LRRTM4: variants seen among roughly 807,000 people sequenced by gnomAD.
LRRTM4 encodes leucine rich repeat transmembrane neuronal 4, also known as leucine-rich repeat transmembrane neuronal protein 4.
LRRTM4 carries 25 observed loss-of-function variants against 47.6 expected under a neutral mutation model. That is an observed-to-expected ratio of 0.53 (90% CI 0.38 to 0.73). The LOEUF (loss-of-function observed/expected upper bound fraction) is 0.73, where lower values mean the gene tolerates loss of function less well. Among genes scored for constraint, LRRTM4 ranks in the 30% least tolerant of loss-of-function variants. LRRTM4 has a pLI of 0.00. For missense variants in LRRTM4, 638 were observed against 713.4 expected (o/e 0.89, Z 1.20); for synonymous variants, 311 against 269.5 (o/e 1.15, Z -1.51).
At chr2:76,852,593 T>TA (rs1374438956) in intron 3 of LRRTM4, among the ~76,000 whole-genome samples, 1 of 152,198 alleles carries the variant, frequency 6.6e-6, no homozygotes, top group Non-Finnish European at 1.5e-5. Context: ...TTCCTTTTTA[T>TA]AAAAAGATTA....
rs554714730 is a variant in LRRTM4 at position 77,457,439 on chromosome 2, T to A, written c.1551+60879A>T. Among the ~76,000 whole-genome samples the A allele has an allele frequency of 5.9e-5, 9 of 152,192 alleles. No individual in the cohort carries two copies. In the South Asian group the frequency reaches 1.9e-3, roughly 32 times the overall value. ...CTATCTACACCTCTAACCCCATTAC[T>A]TTCACTTCTCAGATGGGCTACAAGA... On this transcript the variant is annotated intron_variant, in intron 3 of 3. Transcript: ENST00000409884.
chr2:77,331,861 G>A (rs1670982888), intron 3 of LRRTM4, among the ~76,000 whole-genome samples: 1 of 152,082 alleles, frequency 6.6e-6, no homozygotes, highest in Admixed American at 6.6e-5. Context: ...CCAGAAACAT[G>A]TGCAATGGTG....
intron 3 of LRRTM4, among the ~76,000 whole-genome samples, chr2:76,807,461 T>A (rs867442559): frequency 2.0e-5 from 2 of 100,532 alleles, no homozygotes; most frequent in South Asian, 3.2e-4. Context: ...TATATATACA[T>A]ATATATATAC....
In LRRTM4 at chr2:76,748,612, C is replaced by G; in HGVS notation, c.*83G>C. The G allele has an allele frequency of 1.8e-6, 2 of 1,106,608 alleles. No individual in the cohort carries two copies. 68.5% of individuals were successfully genotyped at this position (1,106,608 alleles called of 1,614,324 possible). ...GGAACGATGAGCTTGCTCGATTGCGCGATTGTGGACACCCATTCTCCTTTA... is the reference window on the plus strand; with the variant it reads ...GGAACGATGAGCTTGCTCGATTGCGGGATTGTGGACACCCATTCTCCTTTA... On this transcript the variant is annotated 3_prime_UTR_variant, in exon 4 of 4. Coordinates refer to ENST00000409884, the MANE Select transcript of LRRTM4 (RefSeq NM_001134745.3).
intron 3 of LRRTM4, among the ~76,000 whole-genome samples, chr2:77,095,027 T>C (rs1010894042): frequency 1.3e-5 from 2 of 152,132 alleles, no homozygotes; most frequent in Admixed American, 6.5e-5. Flanking sequence ...ATCATAAAAC[T>C]GATAAGAGGC....
At chr2:77,362,111 AAG>A (rs199691221) in intron 3 of LRRTM4, among the ~76,000 whole-genome samples, 1 of 134,660 alleles carries the variant, frequency 7.4e-6, no homozygotes, top group Non-Finnish European at 1.6e-5. Flanking sequence ...GAAAGAAAGA[AAG>A]AGAGAAAGAA....
At chr2:76,871,806 T>G (rs1340419625) in intron 3 of LRRTM4, among the ~76,000 whole-genome samples, 3 of 152,200 alleles carry the variant, frequency 2.0e-5, no homozygotes, top group Admixed American at 2.0e-4. Context: ...AACTGCCCTA[T>G]GGAAGAGCCC....
chr2:77,236,006 T>C (rs1675093635), intron 3 of LRRTM4, among the ~76,000 whole-genome samples: 1 of 152,168 alleles, frequency 6.6e-6, no homozygotes, highest in Non-Finnish European at 1.5e-5. Context: ...TTTGAATTCC[T>C]TTTTCGTTCC....
At chr2:76,924,361 A>G (rs1399001724) in intron 3 of LRRTM4, among the ~76,000 whole-genome samples, 1 of 152,064 alleles carries the variant, frequency 6.6e-6, no homozygotes, top group Non-Finnish European at 1.5e-5. Flanking sequence ...TAGATAAACC[A>G]TATATTCATC....
At chr2:76,957,205 G>A (rs1675703244) in intron 3 of LRRTM4, among the ~76,000 whole-genome samples, 1 of 151,678 alleles carries the variant, frequency 6.6e-6, no homozygotes, top group African/African-American at 2.4e-5. Flanking sequence ...AGGTGTTAAA[G>A]TGGTCAAACT....
intron 3 of LRRTM4, among the ~76,000 whole-genome samples, chr2:77,365,695 A>G (rs1012672240): frequency 1.3e-5 from 2 of 151,658 alleles, no homozygotes; most frequent in Non-Finnish European, 3.0e-5. Context: ...TTGATGGAAT[A>G]CTATGATGCC....
At chr2:77,220,610 G>A (rs1048971833) in intron 3 of LRRTM4, among the ~76,000 whole-genome samples, 1 of 152,134 alleles carries the variant, frequency 6.6e-6, no homozygotes, top group African/African-American at 2.4e-5. Context: ...TATCAGTGAT[G>A]GAAGATGAAA....
intron 3 of LRRTM4, among the ~76,000 whole-genome samples, chr2:77,367,456 T>G (rs1672505528): frequency 6.6e-6 from 1 of 151,870 alleles, no homozygotes; most frequent in African/African-American, 2.4e-5. Flanking sequence ...ACCAGAGTAC[T>G]TGTGTACAAA....
chr2:77,089,776 G>A (rs1367691232), intron 3 of LRRTM4, among the ~76,000 whole-genome samples: 3 of 152,006 alleles, frequency 2.0e-5, no homozygotes, highest in Non-Finnish European at 4.4e-5. Context: ...ATACAAACTC[G>A]ACAGTAGTTC....
chr2:76,975,641 G>A (rs1434436867), intron 3 of LRRTM4, among the ~76,000 whole-genome samples: 2 of 151,588 alleles, frequency 1.3e-5, no homozygotes, highest in Non-Finnish European at 3.0e-5. Context: ...ATGAAGCCAA[G>A]GTTAGAAGTT....
chr2:77,103,100 A>T (rs1230235617), intron 3 of LRRTM4, among the ~76,000 whole-genome samples: 4 of 152,146 alleles, frequency 2.6e-5, no homozygotes, highest in Admixed American at 2.0e-4. Context: ...CTCAGGTGCA[A>T]CAATTCTCAC....
intron 3 of LRRTM4, among the ~76,000 whole-genome samples, chr2:77,324,500 T>C (rs541495758): frequency 2.4e-4 from 37 of 151,808 alleles, no homozygotes; most frequent in Non-Finnish European, 5.0e-4. Context: ...CCTAAACGCT[T>C]TTCTAGATTT....
intron 3 of LRRTM4, among the ~76,000 whole-genome samples, chr2:77,305,287 C>A (rs150134917): frequency 2.0e-5 from 3 of 151,840 alleles, no homozygotes; most frequent in African/African-American, 7.3e-5. Flanking sequence ...AAATCCTATA[C>A]GCTGTAATTT....
intron 3 of LRRTM4, among the ~76,000 whole-genome samples, chr2:77,102,063 G>A (rs749270652): frequency 2.6e-5 from 4 of 152,156 alleles, no homozygotes; most frequent in African/African-American, 9.7e-5. Context: ...ATCTGTGTGT[G>A]CTGTTTCAGC....
Sources: gnomAD v4.1 joint callset for allele counts (sites outside exome capture counted in the v4.1 genomes callset) on GRCh38, gnomAD v4.1.1 for gene constraint, MANE v1.5 for transcripts, NCBI Gene and HGNC (gene_info 2026-07-23, HGNC 2026-07-21) for gene names.